Variants in BCO2 observed in about 807,000 individuals in gnomAD.
The protein encoded by BCO2 is beta-carotene oxygenase 2, also known as carotenoid-cleaving dioxygenase, mitochondrial.
BCO2 carries 56 observed loss-of-function variants against 65.8 expected under a neutral mutation model. The observed-to-expected ratio is 0.85, with a 90% CI of 0.69 to 1.06. BCO2 has a LOEUF of 1.06. BCO2 is among the 50% of genes least tolerant of loss of function. BCO2 has a pLI of 0.00. For missense variants in BCO2, 675 were observed against 698.5 expected (o/e 0.97, Z 0.38); for synonymous variants, 233 against 242.3 (o/e 0.96, Z 0.36).
At chr11:112,202,304 A>G in intron 8 of BCO2, 114 bp downstream of exon 8, 1 of 1,022,854 alleles carries the variant, frequency 9.8e-7, no homozygotes, top group Non-Finnish European at 1.4e-6. Flanking sequence ...TTCTTTTGAG[A>G]CTGAGTCTTG....
intron 5 of BCO2, among the ~76,000 whole-genome samples, chr11:112,198,609 G>A (rs1340053679): frequency 6.6e-6 from 1 of 152,130 alleles, no homozygotes; most frequent in East Asian, 1.9e-4. Flanking sequence ...GTGGGGAGGA[G>A]TCAGGGAAGA....
intron 8 of BCO2, among the ~76,000 whole-genome samples, chr11:112,212,716 A>G (rs1859545309): frequency 6.6e-6 from 1 of 152,182 alleles, no homozygotes; most frequent in Non-Finnish European, 1.5e-5. Context: ...CTGCTTGTCC[A>G]GGGTTTTTAT....
At chr11:112,178,230 C>T (rs1592830661) in intron 1 of BCO2, among the ~76,000 whole-genome samples, 2 of 152,044 alleles carry the variant, frequency 1.3e-5, no homozygotes, top group South Asian at 2.1e-4. Flanking sequence ...TTTCTTAGAA[C>T]TAGAGAAAAG....
At chr11:112,193,391 T>A (rs562777633) in intron 2 of BCO2, 83 bp from the exon 3 acceptor site, 22 of 1,240,398 alleles carry the variant, frequency 1.8e-5, no homozygotes, top group Non-Finnish European at 2.5e-5. Context: ...ATCTTTATAT[T>A]TGAAATGAAG....
Position 112,194,658 on chromosome 11 carries a change from T to TTGGAGCAAA in BCO2, c.641_649dup (p.Trp214_Lys216dup). The TTGGAGCAAA allele has an allele frequency of 6.2e-7, 1 of 1,610,206 alleles. No homozygotes were observed. Among genetic ancestry groups the TTGGAGCAAA allele is most frequent in the Middle Eastern group, 1.7e-4 (1 of 6,052 alleles). ...CAGTGGTCTCAAATTTGCAGGTAGA[T>TTGGAGCAAA]TGGAGCAAATTTATTGCTGTGAATG... On this transcript the variant is annotated inframe_insertion, in exon 5 of 12. Coordinates refer to ENST00000357685, the MANE Select transcript of BCO2 (RefSeq NM_031938.7).
intron 11 of BCO2, among the ~76,000 whole-genome samples, chr11:112,216,940 T>C (rs746631782): frequency 1.6e-4 from 25 of 152,234 alleles, no homozygotes; most frequent in Admixed American, 1.6e-3. Context: ...AGAAAGGCTG[T>C]GATCAATTAG....
intron 8 of BCO2, among the ~76,000 whole-genome samples, chr11:112,205,790 G>A (rs932292499): frequency 2.6e-5 from 4 of 151,820 alleles, no homozygotes; most frequent in Non-Finnish European, 5.9e-5. Flanking sequence ...TAGAGACAGG[G>A]GCCTTGTTAT....
At chr11:112,181,273 C>T (rs920511749) in intron 2 of BCO2, 24 of 581,098 alleles carry the variant, frequency 4.1e-5, no homozygotes, top group Non-Finnish European at 6.7e-5. Flanking sequence ...GCTCCGCCTC[C>T]CGGGTTCACG....
At position 112,193,903 on chromosome 11, in the gene BCO2, A is replaced by C. The variant is rs151077825; in HGVS notation, c.542A>C (p.Asn181Thr). ...AAAMTDNTNV[N>T]YVRYKGDYYL... ...GCCATGACTGACAATACTAATGTCA[A>C]CTATGTGCGGTACAAGGGTGATTAC... Residue 181 changes from asparagine to threonine, a missense_variant, in exon 4 of 12, where the codon AAC becomes ACC. Physicochemically the swap from Asn to Thr is moderately conservative, Grantham distance 65 (BLOSUM62 0). Coordinates refer to ENST00000357685, the MANE Select transcript of BCO2 (RefSeq NM_031938.7). 1.2e-6 allele frequency: 2 copies of C among 1,609,576 alleles called. No homozygotes were observed. The highest frequency in any genetic ancestry group is 1.7e-6 in the Non-Finnish European group (2 of 1,175,962).
intron 7 of BCO2, 85 bp downstream of exon 7, chr11:112,200,858 C>T (rs564712031): frequency 7.5e-6 from 11 of 1,465,316 alleles, no homozygotes; most frequent in East Asian, 6.8e-5. Flanking sequence ...AAAATCTTCC[C>T]TGGTTAAAAG....
chr11:112,175,987 C>T, intron 1 of BCO2: 1 of 263,036 alleles, frequency 3.8e-6, no homozygotes, highest in Non-Finnish European at 7.3e-6. Flanking sequence ...AATATTTAGG[C>T]TTTTCTAAAT....
rs781197605 is a variant in BCO2, at chr11:112,193,123, G to A, written c.294-351G>A. Among the ~76,000 whole-genome samples the A allele has an allele frequency of 3.3e-5, 5 of 151,232 alleles. No homozygotes were observed. In the East Asian group the frequency reaches 9.7e-4, roughly 29 times the overall value. ...CTCCCAAGTAGCTGGGACTACAGGCGCATGCCACCATGCCCAGTTAATTTT... is the reference window on the plus strand; with the variant it reads ...CTCCCAAGTAGCTGGGACTACAGGCACATGCCACCATGCCCAGTTAATTTT... On this transcript the variant is annotated intron_variant, in intron 2 of 11. Coordinates refer to ENST00000357685, the MANE Select transcript of BCO2 (RefSeq NM_031938.7).
At position 112,193,649 on chromosome 11, in the gene BCO2, G is replaced by A. The variant is rs768563216; in HGVS notation, c.469G>A (p.Val157Ile). 1.9e-6 allele frequency: 3 copies of A among 1,614,050 alleles called. No individual in the cohort carries two copies. The African/African-American group carries it at 4.0e-5, about 22-fold the overall frequency. The change falls in exon 3 of 12, where the codon GTT becomes ATT. Residue 157 changes from valine (V) to isoleucine (I), a missense_variant. Coordinates refer to ENST00000357685, the MANE Select transcript of BCO2 (RefSeq NM_031938.7). ...GGCTCTCCCGGATCCATGCAAGAAT[G>A]TTTTTGAACGTTTCATGTCCAGGTT... ...TLALPDPCKN[V>I]FERFMSRFEL...
At chr11:112,215,261 G>A in intron 10 of BCO2, 1 of 340,326 alleles carries the variant, frequency 2.9e-6, no homozygotes, top group South Asian at 2.8e-5. Flanking sequence ...GTGTTTGATG[G>A]TGATGGAATC....
intron 2 of BCO2, among the ~76,000 whole-genome samples, chr11:112,186,906 T>C (rs1247147695): frequency 1.3e-5 from 2 of 152,154 alleles, no homozygotes; most frequent in African/African-American, 4.8e-5. Context: ...CGTCAGCACC[T>C]TTAGTCTCTA....
intron 6 of BCO2, 101 bp downstream of exon 6, chr11:112,199,928 A>G (rs1035142015): frequency 2.2e-6 from 3 of 1,385,376 alleles, no homozygotes; most frequent in Non-Finnish European, 3.0e-6. Context: ...TTATCACGCT[A>G]TGGTGATAAT....
rs1867466016 is a variant in BCO2 at position 112,193,532 on chromosome 11, A to G, written c.352A>G (p.Thr118Ala). ...TCACCAGTTCAGAATGGCAAAGGGCACAGTGACATACAGGAGCAAGTTTCT... is the reference window on the plus strand; with the variant it reads ...TCACCAGTTCAGAATGGCAAAGGGCGCAGTGACATACAGGAGCAAGTTTCT... ...LLHQFRMAKG[T>A]VTYRSKFLQS... The change falls in exon 3 of 12, where the codon ACA becomes GCA. Residue 118 changes from threonine (T) to alanine (A), a missense_variant. Physicochemically the swap from Thr to Ala is moderately conservative, Grantham distance 58. Coordinates refer to ENST00000357685, the MANE Select transcript of BCO2 (RefSeq NM_031938.7). 1.9e-6 allele frequency: 3 copies of G among 1,614,214 alleles called. No homozygotes were observed. Among genetic ancestry groups the G allele is most frequent in the Non-Finnish European group, 2.5e-6 (3 of 1,180,036 alleles).
chr11:112,175,621 T>A lies in BCO2; in HGVS notation c.20T>A (p.Leu7His). Residue 7 changes from leucine (L) to histidine (H), a missense_variant, in exon 1 of 12, where the codon CTC (leucine) becomes CAC (histidine). Physicochemically the swap from Leu to His is moderately conservative, Grantham distance 99. Coordinates refer to ENST00000357685, the MANE Select transcript of BCO2 (RefSeq NM_031938.7). The part of the protein sequence containing the change: MFFRVF[L>H]HFIRSHSATA... ...ACAAAAATGTTTTTTCGAGTCTTTC[T>A]CCATTTTATCAGGAGTCATTCTGCC... is the stretch of plus-strand genomic sequence containing the variant. 1 of 1,613,904 alleles carries A rather than the reference T, an allele frequency of 6.2e-7. No individual in the cohort carries two copies. The highest frequency in any genetic ancestry group is 8.5e-7 in the Non-Finnish European group (1 of 1,179,752).
In BCO2 at chr11:112,193,646, AATGTTTTTGAACGTTTC is replaced by A. The variant is rs1566779951; in HGVS notation, c.471_487del (p.Phe158GlnfsTer3). 1 of 1,614,188 alleles carries A rather than the reference AATGTTTTTGAACGTTTC, an allele frequency of 6.2e-7. No homozygotes were observed. Among genetic ancestry groups the A allele is most frequent in the Non-Finnish European group, 8.5e-7 (1 of 1,180,016 alleles). ...ACTGGCTCTCCCGGATCCATGCAAG[AATGTTTTTGAACGTTTC>A]ATGTCCAGGTTTGAGCTGCCTGGTA... On this transcript the variant is annotated frameshift_variant, in exon 3 of 12. Coordinates refer to ENST00000357685, the MANE Select transcript of BCO2 (RefSeq NM_031938.7). LOFTEE classifies it high-confidence loss of function.
Sources: allele counts gnomAD v4.1 joint callset (sites outside exome capture counted in the v4.1 genomes callset), GRCh38; gene constraint gnomAD v4.1.1; transcripts MANE v1.5; gene names NCBI Gene and HGNC (gene_info 2026-07-23, HGNC 2026-07-21).